The following SGCZ variants were observed in gnomAD, a reference collection of about 807,000 sequenced individuals.
SGCZ encodes zeta-sarcoglycan.
A neutral mutation model predicts 41.3 loss-of-function variants in SGCZ; 40 were observed. That is an observed-to-expected ratio of 0.97 (90% CI 0.75 to 1.26). The LOEUF (loss-of-function observed/expected upper bound fraction) is 1.26, where lower values mean the gene tolerates loss of function less well. Among genes scored for constraint, SGCZ ranks in the 50% most tolerant of loss-of-function variants. The pLI is 0.00. For missense variants in SGCZ, 552 were observed against 369.8 expected (o/e 1.49, Z -4.04); for synonymous variants, 206 against 137.5 (o/e 1.50, Z -3.49).
intron 1 of SGCZ, among the ~76,000 whole-genome samples, chr8:14,883,330 G>C (rs972317796): frequency 1.3e-5 from 2 of 151,714 alleles, no homozygotes; most frequent in Non-Finnish European, 2.9e-5. Flanking sequence ...TGGGTTAAAA[G>C]ACTGTTTGGT....
At chr8:14,348,060 C>T (rs776346231) in intron 2 of SGCZ, among the ~76,000 whole-genome samples, 2 of 152,014 alleles carry the variant, frequency 1.3e-5, no homozygotes, top group Non-Finnish European at 2.9e-5. Flanking sequence ...AGAAACCAGG[C>T]ACGGAGACCC....
chr8:14,484,797 T>A (rs764439142), intron 2 of SGCZ, among the ~76,000 whole-genome samples: 1 of 152,246 alleles, frequency 6.6e-6, no homozygotes, highest in Non-Finnish European at 1.5e-5. Flanking sequence ...AGAAAATCAT[T>A]GTTGGTAATG....
At chr8:14,171,109 A>G (rs76216142) in intron 4 of SGCZ, among the ~76,000 whole-genome samples, 2 of 150,300 alleles carry the variant, frequency 1.3e-5, no homozygotes, top group East Asian at 3.9e-4. Flanking sequence ...AATGTTTTGC[A>G]TTGCATCTTG....
intron 1 of SGCZ, among the ~76,000 whole-genome samples, chr8:14,839,420 T>C (rs1261783046): frequency 6.6e-6 from 1 of 152,140 alleles, no homozygotes; most frequent in East Asian, 1.9e-4. Context: ...CTCTGTAGTA[T>C]AGATGTCAAG....
At chr8:14,728,810 T>C (rs1168581394) in intron 1 of SGCZ, among the ~76,000 whole-genome samples, 9 of 152,130 alleles carry the variant, frequency 5.9e-5, no homozygotes, top group Non-Finnish European at 7.4e-5. Context: ...GAAACAAAGT[T>C]GAATGCGTGT....
At chr8:14,512,835 C>A (rs575622883) in intron 2 of SGCZ, among the ~76,000 whole-genome samples, 1 of 151,966 alleles carries the variant, frequency 6.6e-6, no homozygotes, top group African/African-American at 2.4e-5. Context: ...ATTGTCTACC[C>A]TGGTGCTTCT....
chr8:14,635,922 C>T (rs899938699), intron 1 of SGCZ, among the ~76,000 whole-genome samples: 3 of 151,640 alleles, frequency 2.0e-5, no homozygotes, highest in Non-Finnish European at 4.4e-5. Context: ...ATAATGCTGC[C>T]GATATGCTGT....
chr8:14,506,128 G>C (rs972848697), intron 2 of SGCZ, among the ~76,000 whole-genome samples: 1 of 151,952 alleles, frequency 6.6e-6, no homozygotes, highest in African/African-American at 2.4e-5. Flanking sequence ...ATGAGGTCAG[G>C]AGTTCAAGAC....
intron 5 of SGCZ, among the ~76,000 whole-genome samples, chr8:14,148,891 C>A (rs1803608540): frequency 6.6e-6 from 1 of 152,030 alleles, no homozygotes; most frequent in Non-Finnish European, 1.5e-5. Context: ...CATGCACAAA[C>A]CAATCGATGT....
At chr8:15,035,545 T>C (rs1803844226) in intron 1 of SGCZ, among the ~76,000 whole-genome samples, 1 of 152,060 alleles carries the variant, frequency 6.6e-6, no homozygotes, top group Non-Finnish European at 1.5e-5. Context: ...TCTAATCAAA[T>C]GACATAGAGT....
intron 1 of SGCZ, among the ~76,000 whole-genome samples, chr8:14,809,934 A>G (rs1801689225): frequency 6.6e-6 from 1 of 152,144 alleles, no homozygotes; most frequent in Non-Finnish European, 1.5e-5. Flanking sequence ...ATATTTAGAT[A>G]CTTAGAATCT....
chr8:14,741,177 C>G (rs1043976485), intron 1 of SGCZ, among the ~76,000 whole-genome samples: 2 of 152,030 alleles, frequency 1.3e-5, no homozygotes, highest in Non-Finnish European at 2.9e-5. Flanking sequence ...TAATTGCTTT[C>G]TTGTTTTCCT....
At chr8:14,702,358 C>G (rs1809165354) in intron 1 of SGCZ, among the ~76,000 whole-genome samples, 1 of 151,856 alleles carries the variant, frequency 6.6e-6, no homozygotes, top group African/African-American at 2.4e-5. Context: ...AGCTTTCTAT[C>G]CACACACTCT....
At chr8:15,215,770 C>A (rs995632042) in intron 1 of SGCZ, among the ~76,000 whole-genome samples, 1 of 152,126 alleles carries the variant, frequency 6.6e-6, no homozygotes, top group Non-Finnish European at 1.5e-5. Context: ...CTAAGAGTTA[C>A]AATTAAAGTC....
intron 3 of SGCZ, among the ~76,000 whole-genome samples, chr8:14,302,622 T>C (rs777586750): frequency 6.6e-5 from 10 of 152,062 alleles, no homozygotes; most frequent in Non-Finnish European, 2.9e-5. Context: ...CATCTGCCCC[T>C]CTACCTTTAT....
chr8:14,514,449 C>G (rs962645923), intron 2 of SGCZ, among the ~76,000 whole-genome samples: 6 of 151,752 alleles, frequency 4.0e-5, no homozygotes, highest in Non-Finnish European at 8.8e-5. Context: ...GTGTAAAACT[C>G]AAATGAGAAG....
intron 2 of SGCZ, among the ~76,000 whole-genome samples, chr8:14,467,790 T>C (rs1463149913): frequency 1.3e-5 from 2 of 152,082 alleles, no homozygotes; most frequent in Non-Finnish European, 2.9e-5. Flanking sequence ...AGTTACATCA[T>C]ACTGTAATAG....
chr8:14,845,248 T>G (rs531239140), intron 1 of SGCZ, among the ~76,000 whole-genome samples: 2 of 152,276 alleles, frequency 1.3e-5, no homozygotes, highest in East Asian at 1.9e-4. Context: ...AACACACAGA[T>G]GCATCTTGTC....
intron 1 of SGCZ, among the ~76,000 whole-genome samples, chr8:14,807,615 A>T (rs372611395): frequency 3.3e-5 from 5 of 151,690 alleles, no homozygotes; most frequent in African/African-American, 9.7e-5. Context: ...TCCATGCTCA[A>T]GGGTAGGAAG....
Sources: allele counts gnomAD v4.1 joint callset (sites outside exome capture counted in the v4.1 genomes callset), GRCh38; gene constraint gnomAD v4.1.1; transcripts MANE v1.5; gene names NCBI Gene and HGNC (gene_info 2026-07-23, HGNC 2026-07-21).